The following HGS variants were observed in gnomAD, a reference collection of about 807,000 sequenced individuals.
HGS encodes the protein human growth factor-regulated tyrosine kinase substrate.
Under a neutral mutation model 109.7 loss-of-function variants are expected in HGS, and 63 were observed. The ratio of observed to expected loss-of-function variants is 0.57; its 90% confidence interval spans 0.47 to 0.71. The LOEUF (loss-of-function observed/expected upper bound fraction) is 0.71. Among genes scored for constraint, HGS ranks in the 30% least tolerant of loss-of-function variants. The probability of loss-of-function intolerance (pLI) is 0.00; values close to 1 mark genes in which losing one functional copy is unlikely to be tolerated. For missense variants in HGS, 995 were observed against 1,068.3 expected, an observed-to-expected ratio of 0.93 and a Z score of 0.96; for synonymous variants, 546 against 437.3, an observed-to-expected ratio of 1.25 and a Z score of -3.10.
Position 81,686,377 on chromosome 17 carries a change from A to T in HGS, c.188A>T (p.Tyr63Phe). The T allele has an allele frequency of 6.2e-7, 1 of 1,613,552 alleles. No individual in the cohort carries two copies. Among genetic ancestry groups the T allele is most frequent in the Non-Finnish European group, 8.5e-7 (1 of 1,179,890 alleles). ...VNDKNPHVALYALEVMESVVK... is the reference protein window; with the variant it reads ...VNDKNPHVALFALEVMESVVK... ...GACAAGAACCCACACGTCGCCTTGT[A>T]TGCCCTGGAGGTAAGCAGACCCCCG... The change falls in exon 3 of 22, where the codon TAT becomes TTT. Residue 63 changes from tyrosine (Y) to phenylalanine (F), a missense_variant. Physicochemically the swap from Tyr to Phe is conservative, Grantham distance 22. Around this residue, in one of 6 missense-constraint regions of HGS, gnomAD observed 182 missense variants for 261.3 expected, o/e 0.70. Transcript: ENST00000329138.
chr17:81,696,624 G>GAGGCAGCT lies in HGS; in HGVS notation c.1585_1592dup (p.Ala532GlyfsTer81), dbSNP rs1406202430. On this transcript the variant is annotated frameshift_variant, in exon 17 of 22. Coordinates refer to ENST00000329138, the MANE Select transcript of HGS (RefSeq NM_004712.5). LOFTEE classifies it high-confidence loss of function. ...CCGCACAGGAGTACCTGGAGGTGCA[G>GAGGCAGCT]AGGCAGCTGGCCATCCAGCGCCTGC... 1 of 1,609,304 alleles carries GAGGCAGCT rather than the reference G, an allele frequency of 6.2e-7. No homozygotes were observed. The highest frequency in any genetic ancestry group is 8.5e-7 in the Non-Finnish European group (1 of 1,178,200).
intron 19 of HGS, 46 bp from the exon 20 acceptor site, chr17:81,700,649 G>GCCCCAA: frequency 9.7e-7 from 1 of 1,031,514 alleles, no homozygotes; most frequent in African/African-American, 1.6e-5. Flanking sequence ...CCCAGCCCCA[G>GCCCCAA]CCCCAGCCCC....
chr17:81,690,633 G>C, intron 6 of HGS, 41 bp from the exon 7 acceptor site: 1 of 1,584,856 alleles, frequency 6.3e-7, no homozygotes, highest in Non-Finnish European at 8.6e-7. Context: ...TGGGGCTGGT[G>C]GGGCGGGAAG....
chr17:81,689,754 A>T (rs1468768209), intron 5 of HGS, among the ~76,000 whole-genome samples: 1 of 152,128 alleles, frequency 6.6e-6, no homozygotes, highest in Non-Finnish European at 1.5e-5. Flanking sequence ...GGGGTGGTGG[A>T]TGCTGGTGGT....
intron 4 of HGS, 88 bp from the exon 5 acceptor site, chr17:81,688,616 G>C: frequency 6.5e-7 from 1 of 1,538,288 alleles, no homozygotes; most frequent in Non-Finnish European, 8.8e-7. Flanking sequence ...TCTGCTCAGA[G>C]GCTGAGGTCT....
intron 20 of HGS, 88 bp from the exon 21 acceptor site, chr17:81,700,957 G>T (rs1380050806): frequency 2.0e-6 from 3 of 1,531,754 alleles, no homozygotes; most frequent in Non-Finnish European, 2.7e-6. Context: ...GCTCCCTGTG[G>T]TCACCTTTGG....
intron 1 of HGS, 137 bp downstream of exon 1, chr17:81,684,240 G>A (rs2036932717): frequency 2.4e-6 from 2 of 816,612 alleles, no homozygotes; most frequent in Non-Finnish European, 3.4e-6. Context: ...CTGTCCTCCC[G>A]GGTTCGGAGC....
intron 11 of HGS, 103 bp downstream of exon 11, chr17:81,694,068 G>C (rs1215113813): frequency 7.1e-6 from 7 of 984,136 alleles, no homozygotes; most frequent in Non-Finnish European, 7.3e-6. Context: ...GGGGATGCGG[G>C]TCCCCGGGCT....
intron 18 of HGS, 95 bp from the exon 19 acceptor site, chr17:81,700,367 CAAAAA>C (rs367982845): frequency 2.8e-4 from 269 of 959,320 alleles, no homozygotes; most frequent in South Asian, 5.5e-4. Flanking sequence ...GACTCCATCT[CAAAAA>C]AAAAAAAAAA....
rs983125452 is a variant in HGS at position 81,695,237 on chromosome 17, C to T, written c.1179+14C>T. The T allele has an allele frequency of 6.2e-7, 1 of 1,613,518 alleles. No homozygotes were observed. Among genetic ancestry groups the T allele is most frequent in the Admixed American group, 1.7e-5 (1 of 60,026 alleles). On this transcript the variant is annotated intron_variant, in intron 14 of 21. Transcript: ENST00000329138. ...CCCTTTAGTGAGGTAAGCTGTGGCT[C>T]CCTCCACGGGCCAGGGCAAAACATG...
At chr17:81,701,406 A>C in intron 21 of HGS, 102 bp from the exon 22 acceptor site, 1 of 1,267,952 alleles carries the variant, frequency 7.9e-7, no homozygotes, top group Non-Finnish European at 1.1e-6. Context: ...GTGGACATGG[A>C]TTACAAGCAC....
chr17:81,690,590 GC>G (rs2037048397), intron 6 of HGS, 83 bp from the exon 7 acceptor site: 3 of 1,373,732 alleles, frequency 2.2e-6, no homozygotes, highest in African/African-American at 2.9e-5. Flanking sequence ...TGGGTCCGTT[GC>G]CTTCTGTGGG....
In HGS at chr17:81,686,370, G is replaced by A. The variant is rs749116063; in HGVS notation, c.181G>A (p.Ala61Thr). 1.2e-5 allele frequency: 19 copies of A among 1,613,504 alleles called. 1 individual carries two copies. Among genetic ancestry groups the A allele is most frequent in the Non-Finnish European group, 1.6e-5 (19 of 1,179,908 alleles). The part of the protein sequence containing the change: ...KKVNDKNPHV[A>T]LYALEVMESV... ...AGTCAACGACAAGAACCCACACGTC[G>A]CCTTGTATGCCCTGGAGGTAAGCAG... The change falls in exon 3 of 22, where the codon GCC (alanine) becomes ACC (threonine). Residue 61 changes from alanine to threonine, a missense_variant. Physicochemically the swap from Ala to Thr is moderately conservative, Grantham distance 58 (BLOSUM62 0). Coordinates refer to ENST00000329138, the MANE Select transcript of HGS (RefSeq NM_004712.5).
Position 81,696,477 on chromosome 17 carries a change from A to G in HGS, c.1514A>G (p.Gln505Arg), listed in dbSNP as rs1195542394. 15 of 1,530,982 alleles carry G rather than the reference A, an allele frequency of 9.8e-6. No homozygotes were observed. Among genetic ancestry groups the G allele is most frequent in the Non-Finnish European group, 1.3e-5 (15 of 1,137,982 alleles). 94.8% of individuals were successfully genotyped at this position (1,530,982 alleles called of 1,614,324 possible). ...CGGGCAGCCGAGGAGGCAGAGCGCC[A>G]GCGCCAGATCCAGCTGGCCCAGAAG... ...LRRAAEEAERQRQIQLAQKLE... is the reference protein window; with the variant it reads ...LRRAAEEAERRRQIQLAQKLE... Residue 505 changes from glutamine to arginine, a missense_variant, in exon 16 of 22, where the codon CAG (glutamine) becomes CGG (arginine). Around this residue, in one of 6 missense-constraint regions of HGS, gnomAD observed 163 missense variants for 217.8 expected, o/e 0.75. Transcript: ENST00000329138.
At position 81,701,900 on chromosome 17, in the gene HGS, G is replaced by T; in HGVS notation, c.*282G>T. The T allele has an allele frequency of 3.1e-6, 1 of 325,326 alleles. No homozygotes were observed. The allele number at this position is 325,326 out of a possible 1,614,324, so 20.2% of individuals were successfully genotyped here. Reference sequence around the variant, plus strand: ...TGTGGGTCATGGTCTGTGAGAGGTGGCAGGAATGGGGACCCTCACCCCCCA... The same window carrying T: ...TGTGGGTCATGGTCTGTGAGAGGTGTCAGGAATGGGGACCCTCACCCCCCA... On this transcript the variant is annotated 3_prime_UTR_variant, in exon 22 of 22. Transcript: ENST00000329138.
Position 81,701,832 on chromosome 17 carries a change from C to A in HGS, c.*214C>A, listed in dbSNP as rs964481664. On this transcript the variant is annotated 3_prime_UTR_variant, in exon 22 of 22. Coordinates refer to ENST00000329138, the MANE Select transcript of HGS (RefSeq NM_004712.5). ...CTGCTTTCTTTCCCCAGGGCTGGGCCATGGGGAGGGAAGGACTTTCTCCCA... is the reference window on the plus strand; with the variant it reads ...CTGCTTTCTTTCCCCAGGGCTGGGCAATGGGGAGGGAAGGACTTTCTCCCA... The A allele has an allele frequency of 1.5e-6, 1 of 649,030 alleles. No homozygotes were observed. The highest frequency in any genetic ancestry group is 1.9e-5 in the African/African-American group (1 of 53,454). The allele number at this position is 649,030 out of a possible 1,614,324, so 40.2% of individuals were successfully genotyped here. A position where few individuals can be genotyped will look rare whatever the true frequency, so the allele number is the denominator to read the frequency against.
At position 81,701,673 on chromosome 17, in the gene HGS, T is replaced by C; in HGVS notation, c.*55T>C. ...CTACATACAGTTCACCTGAAACGCC[T>C]CGTCTCTAACTGCCGTCGTCCTGCC... On this transcript the variant is annotated 3_prime_UTR_variant, in exon 22 of 22. Transcript: ENST00000329138. 10 of 1,510,074 alleles carry C rather than the reference T, an allele frequency of 6.6e-6. No homozygotes were observed. The highest frequency in any genetic ancestry group is 8.9e-6 in the Non-Finnish European group (10 of 1,126,034). 93.5% of individuals were successfully genotyped at this position (1,510,074 alleles called of 1,614,324 possible). A position where few individuals can be genotyped will look rare whatever the true frequency, so the allele number is the denominator to read the frequency against.
chr17:81,684,026 AG>A lies in HGS; in HGVS notation c.-37del. ...GTCGGGGGGCGCGCCAGCTCGTAGC[AG>A]GGGAGCGCCCGCGGCGTCGGGTTTG... On this transcript the variant is annotated 5_prime_UTR_variant, in exon 1 of 22. Transcript: ENST00000329138. The A allele has an allele frequency of 6.3e-7, 1 of 1,575,924 alleles. No homozygotes were observed.
At position 81,684,118 on chromosome 17, in the gene HGS, C is replaced by T; in HGVS notation, c.37+15C>T. 6.4e-7 allele frequency: 1 copy of T among 1,567,874 alleles called. No homozygotes were observed. Among genetic ancestry groups the T allele is most frequent in the Non-Finnish European group, 8.6e-7 (1 of 1,159,038 alleles). On this transcript the variant is annotated intron_variant, in intron 1 of 21. Coordinates refer to ENST00000329138, the MANE Select transcript of HGS (RefSeq NM_004712.5). ...GCGTCTCCTAGGTAACGCGTCCCCA[C>T]CCGACGGCTCGGCCTTGGTCAGCCC...
Sources: gnomAD v4.1 joint callset for allele counts (sites outside exome capture counted in the v4.1 genomes callset) on GRCh38, gnomAD v4.1.1 for gene constraint, gnomAD v4.1.1 regional missense constraint, MANE v1.5 for transcripts, NCBI Gene and HGNC (gene_info 2026-07-23, HGNC 2026-07-21) for gene names.